ARMCX4: variants seen among roughly 807,000 people sequenced by gnomAD.
The protein encoded by ARMCX4 is armadillo repeat containing X-linked 4.
ARMCX4 carries 3 observed loss-of-function variants against 34.7 expected under a neutral mutation model. The ratio of observed to expected loss-of-function variants is 0.09; its 90% CI spans 0.04 to 0.22. The LOEUF (loss-of-function observed/expected upper bound fraction) is 0.22. ARMCX4 is among the 10% of genes least tolerant of loss of function. ARMCX4 has a pLI of 1.00. For synonymous variants in ARMCX4, 513 were observed against 632.8 expected, an observed-to-expected ratio of 0.81 and a Z score of 2.84; for missense variants, 1,448 against 1,720.8, an observed-to-expected ratio of 0.84 and a Z score of 2.81.
intron 11 of ARMCX4, among the ~76,000 whole-genome samples, chrX:101,518,562 A>T (rs781945943): frequency 8.1e-4 from 90 of 111,571 alleles, no homozygotes; most frequent in Non-Finnish European, 6.8e-4. Flanking sequence ...GCATAAATAT[A>T]AGATGGCAGG....
intron 2 of ARMCX4, among the ~76,000 whole-genome samples, chrX:101,434,488 C>T (rs1395813113): frequency 6.3e-5 from 7 of 110,501 alleles, no homozygotes; most frequent in East Asian, 2.8e-4. Flanking sequence ...CCTCGTGATC[C>T]GCCTGCCTCA....
intron 12 of ARMCX4, chrX:101,532,241 G>T (rs939117945): frequency 6.3e-5 from 7 of 111,734 alleles, no homozygotes; most frequent in African/African-American, 1.6e-4. Context: ...GAATAAAGAA[G>T]TCATGAAAGC....
downstream of ARMCX4, among the ~76,000 whole-genome samples, chrX:101,448,809 T>A (rs1482980335): frequency 2.7e-5 from 3 of 111,067 alleles, no homozygotes; most frequent in Non-Finnish European, 5.7e-5. Context: ...GCCAGGTTGG[T>A]CTTGAACTCC....
chrX:101,491,181 A>G lies in ARMCX4; in HGVS notation c.2592A>G (p.Thr864=), dbSNP rs782485603. 1.2e-4 allele frequency: 143 copies of G among 1,155,141 alleles called. No individual in the cohort carries two copies. The South Asian group carries it at 2.5e-3, about 20-fold the overall frequency. Residue 864 remains threonine (T), a synonymous_variant, in exon 6 of 6, where the codon ACA becomes ACG. Coordinates refer to ENST00000423738, the MANE Select transcript of ARMCX4 (RefSeq NM_001256155.3). ...VVSKAGARED[T]VGSTQPQVLA... ...CTAAGGCAGGGGCCAGAGAAGATAC[A>G]GTGGGCTCTACCCAGCCTCAGGTTT...
chrX:101,431,731 G>A (rs1555992030), intron 2 of ARMCX4, among the ~76,000 whole-genome samples: 1 of 110,795 alleles, frequency 9.0e-6, no homozygotes, highest in Admixed American at 9.6e-5. Flanking sequence ...TTTTAATAGA[G>A]ATGGGGTTTC....
chrX:101,432,872 A>G, intron 2 of ARMCX4, among the ~76,000 whole-genome samples: 1 of 85,862 alleles, frequency 1.2e-5, no homozygotes, highest in Non-Finnish European at 2.4e-5. Flanking sequence ...GTATATATAC[A>G]CATATGTATA....
At chrX:101,530,805 G>T (rs1415801882) in intron 11 of ARMCX4, among the ~76,000 whole-genome samples, 1 of 112,253 alleles carries the variant, frequency 8.9e-6, no homozygotes, top group African/African-American at 3.2e-5. Flanking sequence ...AAGCTCTTCA[G>T]ACTAAAGGAA....
intron 2 of ARMCX4, among the ~76,000 whole-genome samples, chrX:101,436,265 C>T (rs1274285356): frequency 9.0e-6 from 1 of 110,922 alleles, no homozygotes; most frequent in Non-Finnish European, 1.9e-5. Context: ...ATTGATTCTT[C>T]CTACCCATGA....
In ARMCX4 at chrX:101,485,554, CCCTGGCCA is replaced by C. The variant is rs201551628; in HGVS notation, c.-437+25_-437+32del. 5.8e-3 allele frequency: 2,103 copies of C among 363,888 alleles called. 39 individuals carry two copies. Among genetic ancestry groups the C allele is most frequent in the African/African-American group, 0.055 (1,953 of 35,789 alleles). 30.0% of individuals were successfully genotyped at this position (363,888 alleles called of 1,213,427 possible). On this transcript the variant is annotated intron_variant, in intron 1 of 5. Coordinates refer to ENST00000423738, the MANE Select transcript of ARMCX4 (RefSeq NM_001256155.3). ...AGGTAAGGGCCCTGGGGCCCGCGCG[CCCTGGCCA>C]GGCCGGCAGAAGCTCACTGACCCCG...
intron 4 of ARMCX4, among the ~76,000 whole-genome samples, chrX:101,453,399 T>C (rs1321054777): frequency 6.2e-5 from 7 of 112,224 alleles, no homozygotes; most frequent in East Asian, 2.8e-4. Context: ...AACTGAAATG[T>C]GTAAACATAT....
chrX:101,511,116 A>G (rs1215966768), intron 11 of ARMCX4: 1 of 111,512 alleles, frequency 9.0e-6, no homozygotes, highest in East Asian at 2.8e-4. Context: ...CTAGTGACAC[A>G]TATTTTGCAT....
At chrX:101,507,447 A>C (rs1934478604) in intron 8 of ARMCX4, among the ~76,000 whole-genome samples, 1 of 111,434 alleles carries the variant, frequency 9.0e-6, no homozygotes, top group East Asian at 2.8e-4. Context: ...CATTATATAA[A>C]TTTTTTCCCT....
intron 3 of ARMCX4, among the ~76,000 whole-genome samples, chrX:101,445,761 A>G (rs1419171979): frequency 9.1e-6 from 1 of 110,405 alleles, no homozygotes; most frequent in Non-Finnish European, 1.9e-5. Flanking sequence ...ACCCCTATCT[A>G]TTTTGTGGAG....
In ARMCX4 at chrX:101,436,235, A is replaced by T. The variant is rs782675838; in HGVS notation, n.165-7817A>T. ...ATTGAATCTATAAATTACCTTGGGC[A>T]GTATGGCCATTTTCAGGATATTGAT... On this transcript the variant is annotated intron_variant and non_coding_transcript_variant, in intron 2 of 3. Transcript: ENST00000430461. Among the ~76,000 whole-genome samples the T allele has an allele frequency of 4.5e-3, 500 of 110,343 alleles. 7 individuals carry two copies. The highest frequency in any genetic ancestry group is 0.016 in the African/African-American group (479 of 30,340).
At chrX:101,524,486 G>A (rs1338498292) in intron 11 of ARMCX4, 1 of 111,929 alleles carries the variant, frequency 8.9e-6, no homozygotes. Context: ...GCCCATGGAG[G>A]GTGAGCTGAA....
chrX:101,424,467 A>T, intron 2 of ARMCX4, among the ~76,000 whole-genome samples: 1 of 111,877 alleles, frequency 8.9e-6, no homozygotes, highest in Admixed American at 9.5e-5. Context: ...ATAGCTTACA[A>T]CCTGGCATCT....
At chrX:101,471,952 A>G (rs1932925801) in intron 4 of ARMCX4, among the ~76,000 whole-genome samples, 1 of 101,480 alleles carries the variant, frequency 9.9e-6, no homozygotes, top group Non-Finnish European at 2.0e-5. Context: ...ACAAAGCTGG[A>G]TGGAGAATGA....
At chrX:101,474,838 C>T (rs782484625) in intron 4 of ARMCX4, among the ~76,000 whole-genome samples, 132 of 98,847 alleles carry the variant, frequency 1.3e-3, no homozygotes, top group Non-Finnish European at 1.2e-3. Flanking sequence ...CTATGACAAA[C>T]CCACAGCCAA....
chrX:101,443,935 C>T (rs1603129634), intron 2 of ARMCX4: 2 of 379,789 alleles, frequency 5.3e-6, no homozygotes, highest in East Asian at 1.3e-4. Flanking sequence ...CAAATTTCTC[C>T]CCATAGTTGG....
Sources: allele counts gnomAD v4.1 joint callset (sites outside exome capture counted in the v4.1 genomes callset), GRCh38; gene constraint gnomAD v4.1.1; transcripts MANE v1.5; gene names NCBI Gene and HGNC (gene_info 2026-07-23, HGNC 2026-07-21).